The following PROB1 variants were observed in gnomAD, a reference collection of about 807,000 sequenced individuals.
PROB1 encodes proline rich basic protein 1, also known as proline-rich basic protein 1.
For missense variants in PROB1, 1,453 were observed against 1,485.7 expected, an observed-to-expected ratio of 0.98 and a Z score of 0.36; for synonymous variants, 660 against 699.3, an observed-to-expected ratio of 0.94 and a Z score of 0.89.
rs548449384 is a variant in PROB1, at chr5:139,393,869, G to T, written c.1213C>A (p.Arg405=). The change falls in exon 1 of 1, where the codon CGG becomes AGG. Residue 405 remains arginine, a synonymous_variant. Transcript: ENST00000434752. ...TGGGGCGACGGGCAGCGAGGACCCC[G>T]TACAGCCCCATTTGGAGTCTGCCGT... ...PPRQTPNGAV[R]GPRCPSPQNL... 13 of 1,550,236 alleles carry T rather than the reference G, an allele frequency of 8.4e-6. No homozygotes were observed. The East Asian group carries it at 9.8e-5, about 12-fold the overall frequency.
Position 139,394,168 on chromosome 5 carries a change from T to C in PROB1, c.914A>G (p.Asn305Ser). ...CCTCGGGGCCTTGGCGGGGGCCGAA[T>C]TATCTCGTACGCGAAGTGGCCGAGA... is the stretch of plus-strand genomic sequence containing the variant. ...AKSRPLRVRD[N>S]SAPAKAPRPW... The change falls in exon 1 of 1, where the codon AAT becomes AGT. Residue 305 changes from asparagine (N) to serine (S), a missense_variant. Asn to Ser is a conservative substitution (Grantham distance 46). Transcript: ENST00000434752. 4 of 1,546,278 alleles carry C rather than the reference T, an allele frequency of 2.6e-6. No homozygotes were observed. Among genetic ancestry groups the C allele is most frequent in the Non-Finnish European group, 3.5e-6 (4 of 1,144,180 alleles).
Position 139,392,395 on chromosome 5 carries a change from G to A in PROB1, c.2687C>T (p.Ala896Val), listed in dbSNP as rs758822179. The change falls in exon 1 of 1, where the codon GCG becomes GTG. Residue 896 changes from alanine to valine, a missense_variant. Ala to Val is a moderately conservative substitution (Grantham distance 64, BLOSUM62 0). Coordinates refer to ENST00000434752, the MANE Select transcript of PROB1 (RefSeq NM_001161546.2). This position sits in a 1 kb window ranked among gnomAD's most constrained non-coding sequence, Gnocchi z 5.8. ...PESGRYYFVE[A>V]PRQPRLRVLF... ...CACCCGCAGCCGAGGCTGCCGCGGC[G>A]CCTCCACAAAGTAGTAGCGGCCGCT... The A allele has an allele frequency of 1.3e-6, 2 of 1,519,916 alleles. No homozygotes were observed. Among genetic ancestry groups the A allele is most frequent in the South Asian group, 2.5e-5 (2 of 81,488 alleles). The allele number at this position is 1,519,916 out of a possible 1,614,324, so 94.2% of individuals were successfully genotyped here.
Position 139,392,518 on chromosome 5 carries a change from G to A in PROB1, c.2564C>T (p.Ser855Leu). The change falls in exon 1 of 1, where the codon TCG (serine) becomes TTG (leucine). Residue 855 changes from serine (S) to leucine (L), a missense_variant. By Grantham distance (145) the Ser-to-Leu change is moderately radical. Transcript: ENST00000434752. The surrounding 1 kb of genome is among the most constrained non-coding windows in gnomAD (Gnocchi z 5.8). ...RTAPAQPRAASAPPTDRSPQS... is the reference protein window; with the variant it reads ...RTAPAQPRAALAPPTDRSPQS... ...CGGGGACCGGTCCGTGGGAGGCGCC[G>A]AGGCAGCGCGGGGCTGGGCTGGGGC... is the stretch of plus-strand genomic sequence containing the variant. 1.5e-6 allele frequency: 2 copies of A among 1,345,710 alleles called. No individual in the cohort carries two copies. The highest frequency in any genetic ancestry group is 1.9e-6 in the Non-Finnish European group (2 of 1,053,206). 83.4% of individuals were successfully genotyped at this position (1,345,710 alleles called of 1,614,324 possible). A position where few individuals can be genotyped will look rare whatever the true frequency, so the allele number is the denominator to read the frequency against.
chr5:139,392,634 G>A lies in PROB1; in HGVS notation c.2448C>T (p.Pro816=). ...MQASPSPGIA[P]KPKTPPTAPE... is the part of the protein sequence containing the mutation. ...GGGCCGTAGGTGGTGTCTTCGGTTT[G>A]GGTGCTATCCCAGGGCTCGGGCTGG... Residue 816 remains proline (P), a synonymous_variant, in exon 1 of 1, where the codon CCC becomes CCT. Transcript: ENST00000434752. The surrounding 1 kb of genome is among the most constrained non-coding windows in gnomAD (Gnocchi z 5.8). 2.2e-6 allele frequency: 3 copies of A among 1,386,966 alleles called. No individual in the cohort carries two copies. Among genetic ancestry groups the A allele is most frequent in the East Asian group, 3.0e-5 (1 of 33,192 alleles). 85.9% of individuals were successfully genotyped at this position (1,386,966 alleles called of 1,614,324 possible). A position where few individuals can be genotyped will look rare whatever the true frequency, so the allele number is the denominator to read the frequency against.
rs753748712 is a variant in PROB1 at position 139,393,550 on chromosome 5, A to T, written c.1532T>A (p.Ile511Asn). 1 of 1,551,260 alleles carries T rather than the reference A, an allele frequency of 6.4e-7. No homozygotes were observed. The highest frequency in any genetic ancestry group is 8.7e-7 in the Non-Finnish European group (1 of 1,146,908). Reference protein sequence around the residue: ...FFPWEAPDRPIGTWGPSPQET... With the variant: ...FFPWEAPDRPNGTWGPSPQET... ...TTGGGGAGATGGGCCCCAAGTTCCA[A>T]TAGGACGATCTGGAGCCTCCCACGG... Residue 511 changes from isoleucine (I) to asparagine (N), a missense_variant, in exon 1 of 1, where the codon ATT becomes AAT. Transcript: ENST00000434752.
rs1758614894 is a variant in PROB1, at chr5:139,392,490, T to G, written c.2592A>C (p.Gln864His). The G allele has an allele frequency of 7.3e-7, 1 of 1,365,612 alleles. No individual in the cohort carries two copies. The highest frequency in any genetic ancestry group is 9.4e-7 in the Non-Finnish European group (1 of 1,063,968). 84.6% of individuals were successfully genotyped at this position (1,365,612 alleles called of 1,614,324 possible). A position where few individuals can be genotyped will look rare whatever the true frequency, so the allele number is the denominator to read the frequency against. Residue 864 changes from glutamine (Q) to histidine (H), a missense_variant, in exon 1 of 1, where the codon CAA becomes CAC. Transcript: ENST00000434752. This position sits in a 1 kb window ranked among gnomAD's most constrained non-coding sequence, Gnocchi z 5.8. ...ASAPPTDRSP[Q>H]SPSQGARRQP... is the part of the protein sequence containing the mutation. The stretch of plus-strand genomic sequence containing the variant: ...GCCTGCGCGCTCCCTGGGAGGGGCT[T>G]TGCGGGGACCGGTCCGTGGGAGGCG...
Position 139,394,427 on chromosome 5 carries a change from G to A in PROB1, c.655C>T (p.Pro219Ser). The change falls in exon 1 of 1, where the codon CCC becomes TCC. Residue 219 changes from proline to serine, a missense_variant. Transcript: ENST00000434752. ...CGCGGCGCGCCGGCCGCCCTTGGGG[G>A]ACTCTGGGGCCGGGGGCGCAGCTCG... ...QIELRPRPQS[P>S]PRAAGAPRPR... 7.2e-7 allele frequency: 1 copy of A among 1,396,032 alleles called. No homozygotes were observed. Among genetic ancestry groups the A allele is most frequent in the Non-Finnish European group, 9.2e-7 (1 of 1,084,014 alleles). 86.5% of individuals were successfully genotyped at this position (1,396,032 alleles called of 1,614,324 possible). A position where few individuals can be genotyped will look rare whatever the true frequency, so the allele number is the denominator to read the frequency against.
rs547634868 is a variant in PROB1, at chr5:139,392,882, G to A, written c.2200C>T (p.Arg734Cys). 1 of 1,544,770 alleles carries A rather than the reference G, an allele frequency of 6.5e-7. No individual in the cohort carries two copies. The highest frequency in any genetic ancestry group is 1.2e-5 in the South Asian group (1 of 83,680). ...TAKPFKRTEI[R>C]LPGALALGRR... Reference sequence around the variant, plus strand: ...CCCAAGGCCAGGGCCCCAGGCAGGCGGATCTCTGTGCGCTTGAAGGGCTTC... The same window carrying A: ...CCCAAGGCCAGGGCCCCAGGCAGGCAGATCTCTGTGCGCTTGAAGGGCTTC... Residue 734 changes from arginine to cysteine, a missense_variant, in exon 1 of 1, where the codon CGC becomes TGC. By Grantham distance (180) the Arg-to-Cys change is radical. Transcript: ENST00000434752. This position sits in a 1 kb window ranked among gnomAD's most constrained non-coding sequence, Gnocchi z 5.8.
rs1434595288 is a variant in PROB1 at position 139,391,212 on chromosome 5, T to C, written c.*822A>G. Reference sequence around the variant, plus strand: ...ACACAGAGGGGTCAAGAGGCTCCTGTGGGACAAGAGCCCAACCCTCCCTCT... The same window carrying C: ...ACACAGAGGGGTCAAGAGGCTCCTGCGGGACAAGAGCCCAACCCTCCCTCT... On this transcript the variant is annotated 3_prime_UTR_variant, in exon 1 of 1. Transcript: ENST00000434752. The surrounding 1 kb of genome is among the most constrained non-coding windows in gnomAD (Gnocchi z 4.8). 6.6e-6 allele frequency: 1 copy of C among 152,246 alleles called. No individual in the cohort carries two copies. Among genetic ancestry groups the C allele is most frequent in the African/African-American group, 2.4e-5 (1 of 41,414 alleles). The allele number at this position is 152,246 out of a possible 1,614,324, so 9.4% of individuals were successfully genotyped here. A position where few individuals can be genotyped will look rare whatever the true frequency, so the allele number is the denominator to read the frequency against.
rs1257013199 is a variant in PROB1 at position 139,394,570 on chromosome 5, A to G, written c.512T>C (p.Leu171Pro). The G allele has an allele frequency of 6.6e-7, 1 of 1,524,436 alleles. No homozygotes were observed. The highest frequency in any genetic ancestry group is 8.8e-7 in the Non-Finnish European group (1 of 1,141,210). The allele number at this position is 1,524,436 out of a possible 1,614,324, so 94.4% of individuals were successfully genotyped here. The change falls in exon 1 of 1, where the codon CTA becomes CCA. Residue 171 changes from leucine (L) to proline (P), a missense_variant. Transcript: ENST00000434752. ...ACTTGGCCCACGGGGCCGCAGCTCT[A>G]GGTAGGTGGCCCAGCGGGAGCCACC... ...PDGGSRWATY[L>P]ELRPRGPSPA...
Position 139,394,488 on chromosome 5 carries a change from C to G in PROB1, c.594G>C (p.Ala198=). ...TGGGCACTGTCCGGGGCCTGGCGGG[C>G]GCGGCGCCCTCCTCCAGAGCCACCT... ...CVEVALEEGA[A]PARPRTVPKR... Residue 198 remains alanine, a synonymous_variant, in exon 1 of 1, where the codon GCG becomes GCC. Coordinates refer to ENST00000434752, the MANE Select transcript of PROB1 (RefSeq NM_001161546.2). 4.9e-6 allele frequency: 7 copies of G among 1,421,668 alleles called. No homozygotes were observed. Among genetic ancestry groups the G allele is most frequent in the Non-Finnish European group, 6.4e-6 (7 of 1,096,126 alleles). 88.1% of individuals were successfully genotyped at this position (1,421,668 alleles called of 1,614,324 possible).
chr5:139,394,270 A>G lies in PROB1; in HGVS notation c.812T>C (p.Phe271Ser). ...PEAPAPSSAT[F>S]GSTGRSEPET... is the part of the protein sequence containing the mutation. ...AGGTTCCGACCGCCCCGTGGACCCG[A>G]AGGTGGCGCTGCTCGGGGCCGGGGC... Residue 271 changes from phenylalanine (F) to serine (S), a missense_variant, in exon 1 of 1, where the codon TTC becomes TCC. By Grantham distance (155) the Phe-to-Ser change is radical (BLOSUM62 -2). Coordinates refer to ENST00000434752, the MANE Select transcript of PROB1 (RefSeq NM_001161546.2). 6.5e-7 allele frequency: 1 copy of G among 1,542,616 alleles called. No individual in the cohort carries two copies. The highest frequency in any genetic ancestry group is 8.8e-7 in the Non-Finnish European group (1 of 1,142,692).
rs983102204 is a variant in PROB1, at chr5:139,390,767, G to A, written c.*1267C>T. ...AGTCAGCTTCCAGTCCAGGGCAGAG[G>A]GCAGGGACTGCTAGGGACCTGGGCC... On this transcript the variant is annotated 3_prime_UTR_variant, in exon 1 of 1. Transcript: ENST00000434752. 1.3e-5 allele frequency: 2 copies of A among 152,194 alleles called. No individual in the cohort carries two copies. Among genetic ancestry groups the A allele is most frequent in the Non-Finnish European group, 2.9e-5 (2 of 68,042 alleles). 9.4% of individuals were successfully genotyped at this position (152,194 alleles called of 1,614,324 possible).
At position 139,393,054 on chromosome 5, in the gene PROB1, C is replaced by A; in HGVS notation, c.2028G>T (p.Pro676=). Reference sequence around the variant, plus strand: ...TGATGAAAACGGAAGTGTAGTGAGCCGGGGCGGGGGGCCCCAGTGCTGGCG... The same window carrying A: ...TGATGAAAACGGAAGTGTAGTGAGCAGGGGCGGGGGGCCCCAGTGCTGGCG... ...QEPPALGPPA[P]AHYTSVFIKD... Residue 676 remains proline, a synonymous_variant, in exon 1 of 1, where the codon CCG becomes CCT. Transcript: ENST00000434752. The A allele has an allele frequency of 6.5e-7, 1 of 1,531,924 alleles. No homozygotes were observed. The highest frequency in any genetic ancestry group is 8.8e-7 in the Non-Finnish European group (1 of 1,138,164). 94.9% of individuals were successfully genotyped at this position (1,531,924 alleles called of 1,614,324 possible).
At position 139,393,356 on chromosome 5, in the gene PROB1, CA is replaced by C; in HGVS notation, c.1725del (p.Phe575LeufsTer10). 1 of 1,551,476 alleles carries C rather than the reference CA, an allele frequency of 6.4e-7. No individual in the cohort carries two copies. Among genetic ancestry groups the C allele is most frequent in the South Asian group, 1.2e-5 (1 of 84,068 alleles). On this transcript the variant is annotated frameshift_variant, in exon 1 of 1. Coordinates refer to ENST00000434752, the MANE Select transcript of PROB1 (RefSeq NM_001161546.2). LOFTEE classifies it low-confidence loss of function (END_TRUNC). Reference sequence around the variant, plus strand: ...ACCTCTGGGGACTGCTGACTCCCTCCAAAGGCAAGATCTGAAATTTCCCGCG... The same window carrying C: ...ACCTCTGGGGACTGCTGACTCCCTCCAAGGCAAGATCTGAAATTTCCCGCG... ...PSTREISDLA[F>X]GGSQQSPEVA...
chr5:139,393,983 C>CAGT lies in PROB1; in HGVS notation c.1096_1098dup (p.Thr366dup), dbSNP rs762572409. 3 of 1,550,548 alleles carry CAGT rather than the reference C, an allele frequency of 1.9e-6. No homozygotes were observed. In the African/African-American group the frequency reaches 4.1e-5, roughly 21 times the overall value. The stretch of plus-strand genomic sequence containing the variant: ...AAAGGCGGACTCCGTGCCCTCTGAA[C>CAGT]AGTTCGATCCGGCGCCTCTCGCGGG... On this transcript the variant is annotated inframe_insertion, in exon 1 of 1. Coordinates refer to ENST00000434752, the MANE Select transcript of PROB1 (RefSeq NM_001161546.2).
rs142054513 is a variant in PROB1, at chr5:139,394,542, A to G, written c.540T>C (p.Pro180=). 2,176 of 1,489,424 alleles carry G rather than the reference A, an allele frequency of 1.5e-3. 3 individuals carry two copies. Among genetic ancestry groups the G allele is most frequent in the Non-Finnish European group, 1.8e-3 (2,034 of 1,127,094 alleles). The allele number at this position is 1,489,424 out of a possible 1,614,324, so 92.3% of individuals were successfully genotyped here. A position where few individuals can be genotyped will look rare whatever the true frequency, so the allele number is the denominator to read the frequency against. The part of the protein sequence containing the change: ...YLELRPRGPS[P]AAPAQFECVE... Reference sequence around the variant, plus strand: ...CACACTCGAACTGCGCTGGGGCGGCAGGACTTGGCCCACGGGGCCGCAGCT... The same window carrying G: ...CACACTCGAACTGCGCTGGGGCGGCGGGACTTGGCCCACGGGGCCGCAGCT... Residue 180 remains proline, a synonymous_variant, in exon 1 of 1, where the codon CCT becomes CCC. Coordinates refer to ENST00000434752, the MANE Select transcript of PROB1 (RefSeq NM_001161546.2).
chr5:139,394,833 C>T lies in PROB1; in HGVS notation c.249G>A (p.Gly83=), dbSNP rs1199344585. The T allele has an allele frequency of 2.0e-6, 3 of 1,531,244 alleles. No individual in the cohort carries two copies. Among genetic ancestry groups the T allele is most frequent in the Non-Finnish European group, 2.6e-6 (3 of 1,139,008 alleles). The allele number at this position is 1,531,244 out of a possible 1,614,324, so 94.9% of individuals were successfully genotyped here. ...VSAQNSRQRH[G]PGSGFPRGPG... ...GGCCTCGCGGGAAACCCGAGCCGGG[C>T]CCGTGCCGCTGGCGGCTATTCTGGG... Residue 83 remains glycine (G), a synonymous_variant, in exon 1 of 1, where the codon GGG becomes GGA. Transcript: ENST00000434752.
chr5:139,394,265 ACCCGAAGGTG>A lies in PROB1; in HGVS notation c.807_816del (p.Thr270ProfsTer116). 6.5e-7 allele frequency: 1 copy of A among 1,543,862 alleles called. No individual in the cohort carries two copies. The highest frequency in any genetic ancestry group is 8.7e-7 in the Non-Finnish European group (1 of 1,143,128). ...GTCTCAGGTTCCGACCGCCCCGTGGACCCGAAGGTGGCGCTGCTCGGGGCCGGGGCCTCGG... is the reference window on the plus strand; with the variant it reads ...GTCTCAGGTTCCGACCGCCCCGTGGAGCGCTGCTCGGGGCCGGGGCCTCGG... On this transcript the variant is annotated frameshift_variant, in exon 1 of 1. Transcript: ENST00000434752. LOFTEE classifies it low-confidence loss of function (END_TRUNC).
Sources: allele counts gnomAD v4.1 joint callset, GRCh38; gene constraint gnomAD v4.1.1; non-coding constraint Gnocchi (gnomAD v3.1); transcripts MANE v1.5; gene names NCBI Gene and HGNC (gene_info 2026-07-23, HGNC 2026-07-21).